The following DOCK5 variants were observed in gnomAD, a reference collection of about 807,000 sequenced individuals.
DOCK5 encodes the protein dedicator of cytokinesis protein 5.
Under a neutral mutation model 251.8 loss-of-function variants are expected in DOCK5, and 142 were observed. The observed-to-expected ratio is 0.56, with a 90% CI of 0.49 to 0.65. DOCK5 has a LOEUF of 0.65. Ranked by LOEUF, DOCK5 falls within the 30% of genes least tolerant of loss-of-function variation. The pLI is 0.00. For synonymous variants in DOCK5, 842 were observed against 835.5 expected (o/e 1.01, Z -0.13); for missense variants, 2,111 against 2,312.3 (o/e 0.91, Z 1.79).
chr8:25,254,783 C>CAAAAAAAAAAAAA (rs1803370820), intron 2 of DOCK5, among the ~76,000 whole-genome samples: 1 of 42,188 alleles, frequency 2.4e-5, no homozygotes, highest in Non-Finnish European at 4.2e-5. Flanking sequence ...CAAAAAAAAA[C>CAAAAAAAAAAAAA]AAAACAAAAC....
intron 1 of DOCK5, among the ~76,000 whole-genome samples, chr8:25,198,406 G>T (rs1305044352): frequency 1.3e-5 from 2 of 151,834 alleles, no homozygotes; most frequent in South Asian, 4.2e-4. Context: ...ACCCCATCTC[G>T]ACTAAAAATA....
At chr8:25,353,361 T>A (rs1586354587) in intron 27 of DOCK5, among the ~76,000 whole-genome samples, 1 of 150,290 alleles carries the variant, frequency 6.7e-6, no homozygotes, top group Non-Finnish European at 1.5e-5. Context: ...TAAAACAAAA[T>A]AAAATAAAAA....
intron 40 of DOCK5, chr8:25,388,827 C>A (rs1801207756): frequency 7.0e-6 from 3 of 425,630 alleles, no homozygotes; most frequent in Non-Finnish European, 8.7e-6. Context: ...AGACTGTTTG[C>A]AGACTGGCCA....
At chr8:25,382,927 C>A in intron 40 of DOCK5, 149 bp downstream of exon 40, 2 of 626,252 alleles carry the variant, frequency 3.2e-6, no homozygotes, top group South Asian at 4.0e-5. Context: ...GAGCAGCCGG[C>A]CTCTTCACCC....
intron 24 of DOCK5, among the ~76,000 whole-genome samples, chr8:25,342,030 C>A (rs1279365443): frequency 6.6e-6 from 1 of 152,128 alleles, no homozygotes; most frequent in Non-Finnish European, 1.5e-5. Flanking sequence ...GACATAAAAT[C>A]GATTACAAAA....
intron 1 of DOCK5, among the ~76,000 whole-genome samples, chr8:25,204,415 T>C (rs1175410074): frequency 6.6e-6 from 1 of 152,162 alleles, no homozygotes; most frequent in Non-Finnish European, 1.5e-5. Context: ...TTTAGCTTAG[T>C]TTTTCCATCT....
rs372421577 is a variant in DOCK5, at chr8:25,212,015, G to A, written c.43+27064G>A. Among the ~76,000 whole-genome samples the A allele has an allele frequency of 1.0e-4, 7 of 67,544 alleles. 2 individuals are homozygous for A. The highest frequency in any genetic ancestry group is 2.4e-4 in the African/African-American group (7 of 29,758). The allele number at this position is 67,544 out of a possible 152,430, so 44.3% of individuals were successfully genotyped here. A position where few individuals can be genotyped will look rare whatever the true frequency, so the allele number is the denominator to read the frequency against. ...CTATACTGAAAATACAAAAAAATTA[G>A]CCAGGCATGGTGGCGGGCACCTGTA... On this transcript the variant is annotated intron_variant, in intron 1 of 51. Transcript: ENST00000276440.
chr8:25,394,989 A>G (rs1283161643), intron 44 of DOCK5, among the ~76,000 whole-genome samples: 1 of 152,092 alleles, frequency 6.6e-6, no homozygotes, highest in African/African-American at 2.4e-5. Flanking sequence ...ATTCAAGCAC[A>G]TTACATTTAC....
chr8:25,345,372 G>A (rs1204876713), intron 25 of DOCK5, 103 bp from the exon 26 acceptor site: 2 of 1,523,278 alleles, frequency 1.3e-6, no homozygotes, highest in Middle Eastern at 1.8e-4. Context: ...TGATTGCAGA[G>A]CTTAGAGCTA....
intron 11 of DOCK5, among the ~76,000 whole-genome samples, chr8:25,306,369 G>A (rs1804925509): frequency 6.6e-6 from 1 of 152,096 alleles, no homozygotes. Flanking sequence ...ATATAAATAT[G>A]TATTGTATAA....
rs542410482 is a variant in DOCK5, at chr8:25,274,915, G to A, written c.169-471G>A. Among the ~76,000 whole-genome samples, 24 of 152,212 alleles carry A rather than the reference G, an allele frequency of 1.6e-4. No homozygotes were observed. The South Asian group carries it at 4.8e-3, about 30-fold the overall frequency. On this transcript the variant is annotated intron_variant, in intron 3 of 51. Coordinates refer to ENST00000276440, the MANE Select transcript of DOCK5 (RefSeq NM_024940.8). Reference sequence around the variant, plus strand: ...CTGCGTGCCATACTTGAGTATGTGTGGATTTGGGTATATGCTTTGTGGGAA... The same window carrying A: ...CTGCGTGCCATACTTGAGTATGTGTAGATTTGGGTATATGCTTTGTGGGAA...
Position 25,304,494 on chromosome 8 carries a change from T to C in DOCK5, c.1049+167T>C, listed in dbSNP as rs569506632. The C allele has an allele frequency of 3.2e-5, 18 of 562,614 alleles. 1 individual carries two copies. The East Asian group carries it at 5.8e-4, about 18-fold the overall frequency. The allele number at this position is 562,614 out of a possible 1,614,324, so 34.9% of individuals were successfully genotyped here. On this transcript the variant is annotated intron_variant, in intron 11 of 51. Coordinates refer to ENST00000276440, the MANE Select transcript of DOCK5 (RefSeq NM_024940.8). ...AACAGAAGACTTTATTCAAAGTCCT[T>C]GATGTTGGACTCCCATTGAAGAGGG...
chr8:25,292,989 A>G (rs1368122092), intron 6 of DOCK5, among the ~76,000 whole-genome samples: 1 of 152,176 alleles, frequency 6.6e-6, no homozygotes, highest in African/African-American at 2.4e-5. Context: ...TACAGAGTTA[A>G]TCACTTCATT....
chr8:25,245,477 T>A lies in DOCK5; in HGVS notation c.127+1720T>A, dbSNP rs984467449. The stretch of plus-strand genomic sequence containing the variant: ...TGCAGGTAAAAAGCATAAGTTCAAT[T>A]TTTCTAACTCTTCCATGTGGGCTTG... On this transcript the variant is annotated intron_variant, in intron 2 of 51. Coordinates refer to ENST00000276440, the MANE Select transcript of DOCK5 (RefSeq NM_024940.8). 3.3e-5 allele frequency among the ~76,000 whole-genome samples: 5 copies of A among 152,136 alleles called. No individual in the cohort carries two copies. The East Asian group carries it at 5.8e-4, about 18-fold the overall frequency.
chr8:25,224,307 C>T (rs373547885), intron 1 of DOCK5, among the ~76,000 whole-genome samples: 24 of 152,196 alleles, frequency 1.6e-4, no homozygotes, highest in Non-Finnish European at 2.8e-4. Context: ...TTAGTAGAGA[C>T]GGGGTTTCAC....
intron 1 of DOCK5, among the ~76,000 whole-genome samples, chr8:25,186,937 C>T (rs547328679): frequency 4.6e-5 from 7 of 152,042 alleles, no homozygotes; most frequent in East Asian, 3.9e-4. Context: ...CGATGGCTCA[C>T]GTCTGTAATC....
chr8:25,311,004 G>A (rs372915344), intron 13 of DOCK5, among the ~76,000 whole-genome samples: 8 of 152,230 alleles, frequency 5.3e-5, no homozygotes, highest in African/African-American at 9.6e-5. Context: ...GCATGTGGGC[G>A]CCTTGCTCTC....
At chr8:25,271,480 G>T (rs1283663219) in intron 3 of DOCK5, among the ~76,000 whole-genome samples, 1 of 152,154 alleles carries the variant, frequency 6.6e-6, no homozygotes, top group African/African-American at 2.4e-5. Flanking sequence ...GCTCTCCTGT[G>T]CTGTGTCCCT....
In DOCK5 at chr8:25,411,393, T is replaced by C; in HGVS notation, c.*95T>C. On this transcript the variant is annotated 3_prime_UTR_variant, in exon 52 of 52. Transcript: ENST00000276440. ...GTCCTCATTCCATGGGGCTCCCTGC[T>C]GACTGCATTTCCTGATCTGGGATGA... The C allele has an allele frequency of 1.5e-6, 2 of 1,329,432 alleles. No individual in the cohort carries two copies. The highest frequency in any genetic ancestry group is 1.9e-6 in the Non-Finnish European group (2 of 1,033,130). The allele number at this position is 1,329,432 out of a possible 1,614,324, so 82.4% of individuals were successfully genotyped here. A position where few individuals can be genotyped will look rare whatever the true frequency, so the allele number is the denominator to read the frequency against.
Sources: allele counts gnomAD v4.1 joint callset (sites outside exome capture counted in the v4.1 genomes callset), GRCh38; gene constraint gnomAD v4.1.1; transcripts MANE v1.5; gene names NCBI Gene and HGNC (gene_info 2026-07-23, HGNC 2026-07-21).